Variants in SNX19 observed in about 807,000 individuals in gnomAD.
SNX19 encodes sorting nexin 19.
SNX19 carries 60 observed loss-of-function variants against 85.2 expected under a neutral mutation model. The ratio of observed to expected loss-of-function variants is 0.70; its 90% CI spans 0.57 to 0.87. The LOEUF is 0.87. Among genes scored for constraint, SNX19 ranks in the 40% least tolerant of loss-of-function variants. The pLI is 0.00. For synonymous variants in SNX19, 520 were observed against 470.0 expected (o/e 1.11, Z -1.38); for missense variants, 1,201 against 1,217.8 (o/e 0.99, Z 0.21).
Position 130,876,824 on chromosome 11 carries a change from A to G in SNX19, c.*1598T>C, listed in dbSNP as rs184086747. ...AACTTTGGAGCCATAAAGTCACTGT[A>G]ATGGTCAACTTTTAAGGCTAGAAGA... is the stretch of plus-strand genomic sequence containing the variant. On this transcript the variant is annotated 3_prime_UTR_variant, in exon 11 of 11. Coordinates refer to ENST00000265909, the MANE Select transcript of SNX19 (RefSeq NM_014758.3). 6.5e-6 allele frequency: 1 copy of G among 152,678 alleles called. No homozygotes were observed. Among genetic ancestry groups the G allele is most frequent in the Non-Finnish European group, 1.5e-5 (1 of 68,030 alleles). The allele number at this position is 152,678 out of a possible 1,614,324, so 9.5% of individuals were successfully genotyped here. A position where few individuals can be genotyped will look rare whatever the true frequency, so the allele number is the denominator to read the frequency against.
chr11:130,913,484 C>G (rs1047179099), intron 1 of SNX19, among the ~76,000 whole-genome samples: 1 of 152,156 alleles, frequency 6.6e-6, no homozygotes, highest in African/African-American at 2.4e-5. Flanking sequence ...CTGTGTTGAG[C>G]AGATCAAGGA....
chr11:130,872,735 G>A lies in SNX19; in HGVS notation c.*5687C>T, dbSNP rs1054869. ...GAGGGGCCAAGTTATGGCAGAGTGC[G>A]CCCAGTTAGGCCTTCGACTACAAAA... On this transcript the variant is annotated 3_prime_UTR_variant, in exon 11 of 11. Coordinates refer to ENST00000265909, the MANE Select transcript of SNX19 (RefSeq NM_014758.3). Among the ~76,000 whole-genome samples, 66,475 of 151,944 alleles carry A rather than the reference G, an allele frequency of 0.44. 14,831 individuals carry two copies. The highest frequency in any genetic ancestry group is 0.56 in the South Asian group (2,696 of 4,812).
intron 9 of SNX19, 121 bp downstream of exon 9, chr11:130,880,501 G>C: frequency 1.1e-6 from 1 of 876,784 alleles, no homozygotes; most frequent in Non-Finnish European, 1.7e-6. Flanking sequence ...GGTCAACAGA[G>C]TTTTGAATCT....
intron 8 of SNX19, among the ~76,000 whole-genome samples, chr11:130,889,875 C>T (rs944062044): frequency 2.0e-5 from 3 of 152,084 alleles, no homozygotes; most frequent in Admixed American, 6.6e-5. Context: ...ACAAGGTTAG[C>T]TATTCATTCT....
chr11:130,888,256 A>G (rs971924203), intron 8 of SNX19, among the ~76,000 whole-genome samples: 2 of 152,130 alleles, frequency 1.3e-5, no homozygotes, highest in African/African-American at 4.8e-5. Flanking sequence ...TTCATCATCT[A>G]GAGTTTTAAC....
Position 130,914,500 on chromosome 11 carries a change from C to A in SNX19, c.1440G>T (p.Pro480=). Residue 480 remains proline (P), a synonymous_variant, in exon 1 of 11, where the codon CCG becomes CCT. Coordinates refer to ENST00000265909, the MANE Select transcript of SNX19 (RefSeq NM_014758.3). ...TGGTGAGATCCTTCTCTAAGCATGA[C>A]GGCCGTGAGGGGCAGGTCTTTTCTG... ...EGPEKTCPSR[P]SCLEKDLTND... is the part of the protein sequence containing the mutation. 6.2e-7 allele frequency: 1 copy of A among 1,613,870 alleles called. No individual in the cohort carries two copies. The highest frequency in any genetic ancestry group is 8.5e-7 in the Non-Finnish European group (1 of 1,179,800).
Position 130,876,389 on chromosome 11 carries a change from T to G in SNX19, c.*2033A>C, listed in dbSNP as rs1943252157. 1 of 152,540 alleles carries G rather than the reference T, an allele frequency of 6.6e-6. No individual in the cohort carries two copies. Among genetic ancestry groups the G allele is most frequent in the Non-Finnish European group, 1.5e-5 (1 of 68,042 alleles). The allele number at this position is 152,540 out of a possible 1,614,324, so 9.4% of individuals were successfully genotyped here. On this transcript the variant is annotated 3_prime_UTR_variant, in exon 11 of 11. Coordinates refer to ENST00000265909, the MANE Select transcript of SNX19 (RefSeq NM_014758.3). ...GGTAGAAGGAGGATCTGAGGACAGC[T>G]TATCTTTTTGGGGTACGTGGAGTAG...
intron 8 of SNX19, 112 bp from the exon 9 acceptor site, chr11:130,880,918 C>T: frequency 1.1e-6 from 1 of 918,962 alleles, no homozygotes; most frequent in South Asian, 2.7e-5. Flanking sequence ...AATCCTAACC[C>T]TCAAGGTGAT....
chr11:130,879,671 C>T lies in SNX19; in HGVS notation c.2799G>A (p.Leu933=). 6.2e-7 allele frequency: 1 copy of T among 1,613,956 alleles called. No homozygotes were observed. Among genetic ancestry groups the T allele is most frequent in the African/African-American group, 1.3e-5 (1 of 74,972 alleles). Residue 933 remains leucine (L), a synonymous_variant, in exon 10 of 11, where the codon CTG becomes CTA. Coordinates refer to ENST00000265909, the MANE Select transcript of SNX19 (RefSeq NM_014758.3). ...GTGACTCCAGGACTAGACCCCAGCT[C>T]AGCCGGCATTTGTTCACCCCAAGAA... The part of the protein sequence containing the change: ...VEILGVNKCR[L]SWGLVLESLQ...
intron 8 of SNX19, among the ~76,000 whole-genome samples, chr11:130,896,134 G>A (rs537061513): frequency 3.5e-4 from 53 of 152,354 alleles, no homozygotes; most frequent in African/African-American, 1.3e-3. Flanking sequence ...GACTGAGCTT[G>A]AGTTAATTTT....
At chr11:130,909,467 G>A (rs1592365610) in intron 4 of SNX19, among the ~76,000 whole-genome samples, 1 of 152,174 alleles carries the variant, frequency 6.6e-6, no homozygotes, top group Non-Finnish European at 1.5e-5. Flanking sequence ...ATATCAGTTG[G>A]TAATCACTGC....
intron 7 of SNX19, 189 bp downstream of exon 7, chr11:130,905,763 AT>A (rs1945614078): frequency 1.3e-6 from 2 of 1,537,238 alleles, no homozygotes; most frequent in Non-Finnish European, 1.7e-6. Context: ...CTGCTGCTTG[AT>A]TCCGCTGTGG....
chr11:130,910,476 G>T, intron 2 of SNX19, 106 bp from the exon 3 acceptor site: 3 of 842,880 alleles, frequency 3.6e-6, no homozygotes, highest in South Asian at 1.9e-5. Flanking sequence ...ATATTTCCTT[G>T]GATTAAAAAA....
At position 130,914,660 on chromosome 11, in the gene SNX19, C is replaced by T; in HGVS notation, c.1280G>A (p.Gly427Asp). Reference sequence around the variant, plus strand: ...GCCTGTCTCTGTTTCTGTCCCTGGACCCTCCTCAGCCTCTGCTCCTTCAGA... The same window carrying T: ...GCCTGTCTCTGTTTCTGTCCCTGGATCCTCCTCAGCCTCTGCTCCTTCAGA... ...EASEGAEAEE[G>D]PGTETETGLP... Residue 427 changes from glycine (G) to aspartate (D), a missense_variant, in exon 1 of 11, where the codon GGT becomes GAT. Physicochemically the swap from Gly to Asp is moderately conservative, Grantham distance 94. Around this residue, in one of 3 missense-constraint regions of SNX19, gnomAD observed 791 missense variants for 750.9 expected, o/e 1.05. Transcript: ENST00000265909. 1.2e-6 allele frequency: 2 copies of T among 1,613,882 alleles called. No homozygotes were observed. The highest frequency in any genetic ancestry group is 1.7e-6 in the Non-Finnish European group (2 of 1,179,816).
intron 10 of SNX19, among the ~76,000 whole-genome samples, chr11:130,879,117 C>T (rs1943464765): frequency 6.6e-6 from 1 of 152,164 alleles, no homozygotes; most frequent in Non-Finnish European, 1.5e-5. Context: ...TATGAAATTC[C>T]AACCTTACTA....
At chr11:130,889,922 G>A (rs1944380702) in intron 8 of SNX19, among the ~76,000 whole-genome samples, 1 of 151,936 alleles carries the variant, frequency 6.6e-6, no homozygotes, top group South Asian at 2.1e-4. Flanking sequence ...CTTACAGATA[G>A]AAAAAAAGTT....
At chr11:130,886,769 C>T (rs1893019) in intron 8 of SNX19, among the ~76,000 whole-genome samples, 1 of 152,000 alleles carries the variant, frequency 6.6e-6, no homozygotes, top group African/African-American at 2.4e-5. Context: ...GTTCCCAGGC[C>T]TCTGTCTTCC....
At position 130,914,975 on chromosome 11, in the gene SNX19, G is replaced by A. The variant is rs1565557946; in HGVS notation, c.965C>T (p.Ser322Phe). 1 of 1,614,008 alleles carries A rather than the reference G, an allele frequency of 6.2e-7. No individual in the cohort carries two copies. The highest frequency in any genetic ancestry group is 8.5e-7 in the Non-Finnish European group (1 of 1,180,002). Residue 322 changes from serine (S) to phenylalanine (F), a missense_variant, in exon 1 of 11, where the codon TCT becomes TTT. Ser to Phe is a radical substitution (Grantham distance 155). This residue lies in a region of SNX19 where 791 missense variants were observed against 750.9 expected (regional missense o/e 1.05). Transcript: ENST00000265909. ...VFLSYSEPEG[S>F]AGPSPEVEEG... ...TTCAACCTCTGGAGAGGGGCCTGCA[G>A]AACCCTCTGGCTCACTGTAACTTAG...
At position 130,908,019 on chromosome 11, in the gene SNX19, G is replaced by A. The variant is rs1489558847; in HGVS notation, c.2099C>T (p.Pro700Leu). 4 of 1,614,118 alleles carry A rather than the reference G, an allele frequency of 2.5e-6. No individual in the cohort carries two copies. The South Asian group carries it at 3.3e-5, about 13-fold the overall frequency. ...CTCGGCCTCACTCAGCTCCTCTGTGGGGCTCTGGGGTTCAGAGCGAGGAAA... is the reference window on the plus strand; with the variant it reads ...CTCGGCCTCACTCAGCTCCTCTGTGAGGCTCTGGGGTTCAGAGCGAGGAAA... ...TAFPRSEPQS[P>L]TEELSEAETE... The change falls in exon 5 of 11, where the codon CCC becomes CTC. Residue 700 changes from proline (P) to leucine (L), a missense_variant. Coordinates refer to ENST00000265909, the MANE Select transcript of SNX19 (RefSeq NM_014758.3).
Sources: gnomAD v4.1 joint callset for allele counts (sites outside exome capture counted in the v4.1 genomes callset) on GRCh38, gnomAD v4.1.1 for gene constraint, gnomAD v4.1.1 regional missense constraint, MANE v1.5 for transcripts, NCBI Gene and HGNC (gene_info 2026-07-23, HGNC 2026-07-21) for gene names.